The following CNTN1 variants were observed in gnomAD, a reference collection of about 807,000 sequenced individuals.
The protein encoded by CNTN1 is contactin 1.
Under a neutral mutation model 126.4 loss-of-function variants are expected in CNTN1, and 38 were observed. The observed-to-expected ratio is 0.30, with a 90% CI of 0.23 to 0.39. The LOEUF (loss-of-function observed/expected upper bound fraction) is 0.39. CNTN1 is among the 10% of genes least tolerant of loss of function. CNTN1 has a pLI of 1.00. For synonymous variants in CNTN1, 413 were observed against 422.6 expected (o/e 0.98, Z 0.28); for missense variants, 1,009 against 1,248.4 (o/e 0.81, Z 2.89).
At chr12:40,941,702 A>T (rs1038220373) in intron 12 of CNTN1, among the ~76,000 whole-genome samples, 2 of 151,976 alleles carry the variant, frequency 1.3e-5, no homozygotes, top group African/African-American at 2.4e-5. Context: ...ATAGGAAGGG[A>T]TCTTCATTAG....
intron 1 of CNTN1, among the ~76,000 whole-genome samples, chr12:40,895,465 G>A (rs909896302): frequency 4.6e-5 from 7 of 152,094 alleles, no homozygotes; most frequent in Non-Finnish European, 1.0e-4. Context: ...TGGGGACTCC[G>A]TAGAGTCCTG....
At chr12:40,917,073 C>A (rs1446316411) in intron 3 of CNTN1, among the ~76,000 whole-genome samples, 4 of 129,552 alleles carry the variant, frequency 3.1e-5, no homozygotes, top group East Asian at 2.4e-4. Flanking sequence ...GGGGGGGGGG[C>A]AGAACTAACT....
chr12:40,924,692 C>G, intron 6 of CNTN1, 40 bp downstream of exon 6: 1 of 1,056,408 alleles, frequency 9.5e-7, no homozygotes, highest in South Asian at 1.3e-5. Context: ...ATCTATGAAA[C>G]AAAATGGACA....
chr12:40,852,831 A>T (rs1401840998), intron 1 of CNTN1, among the ~76,000 whole-genome samples: 3 of 151,164 alleles, frequency 2.0e-5, no homozygotes, highest in African/African-American at 7.3e-5. Context: ...AATTTTCATG[A>T]TTCTAAATTT....
intron 1 of CNTN1, among the ~76,000 whole-genome samples, chr12:40,773,584 C>T (rs1422329264): frequency 6.7e-6 from 1 of 149,014 alleles, no homozygotes; most frequent in Non-Finnish European, 1.5e-5. Context: ...TGATAGTGCT[C>T]AGCATTCTTC....
chr12:41,005,634 C>A (rs1233056948), intron 17 of CNTN1, among the ~76,000 whole-genome samples: 1 of 151,910 alleles, frequency 6.6e-6, no homozygotes. Flanking sequence ...TCTTTTTTCT[C>A]TATTCCTGTC....
intron 15 of CNTN1, among the ~76,000 whole-genome samples, chr12:40,970,115 A>C (rs1947452837): frequency 6.6e-6 from 1 of 152,110 alleles, no homozygotes; most frequent in Non-Finnish European, 1.5e-5. Context: ...GGTCTAAGCA[A>C]CTTGGAGGAC....
chr12:40,961,757 T>C (rs1431167317), intron 15 of CNTN1, among the ~76,000 whole-genome samples: 1 of 152,106 alleles, frequency 6.6e-6, no homozygotes, highest in African/African-American at 2.4e-5. Context: ...GAAGAGATGA[T>C]TATTCACTTT....
At chr12:40,990,967 C>A (rs17128987) in intron 16 of CNTN1, among the ~76,000 whole-genome samples, 9,444 of 152,252 alleles carry the variant, frequency 0.062, 507 homozygotes, top group Admixed American at 0.16. Context: ...CAACCCCTGC[C>A]AAACTCAAGA....
intron 1 of CNTN1, among the ~76,000 whole-genome samples, chr12:40,880,872 G>A (rs368826842): frequency 4.6e-5 from 7 of 151,606 alleles, no homozygotes; most frequent in African/African-American, 7.3e-5. Flanking sequence ...CATTCAGTCC[G>A]GTAGAAAAGA....
chr12:40,976,267 G>A (rs1947667141), intron 15 of CNTN1, among the ~76,000 whole-genome samples: 1 of 152,052 alleles, frequency 6.6e-6, no homozygotes, highest in African/African-American at 2.4e-5. Flanking sequence ...AAGAAAAACA[G>A]AAGACAAATT....
chr12:40,725,308 G>A (rs2121234938), intron 1 of CNTN1, among the ~76,000 whole-genome samples: 1 of 149,926 alleles, frequency 6.7e-6, no homozygotes, highest in East Asian at 2.0e-4. Flanking sequence ...GGCTGAGGCA[G>A]GAGAATCACT....
intron 15 of CNTN1, among the ~76,000 whole-genome samples, chr12:40,976,716 C>CA (rs930344817): frequency 1.6e-4 from 25 of 151,684 alleles, no homozygotes; most frequent in African/African-American, 3.9e-4. Context: ...CCATTCTAAA[C>CA]AAAAAAAATA....
At chr12:41,025,492 T>C (rs1022558157) in intron 21 of CNTN1, among the ~76,000 whole-genome samples, 156 bp downstream of exon 21, 2 of 152,198 alleles carry the variant, frequency 1.3e-5, no homozygotes, top group African/African-American at 4.8e-5. Context: ...ACGTGAATTA[T>C]TGTAGATGAT....
At position 40,939,361 on chromosome 12, in the gene CNTN1, C is replaced by A. The variant is rs758774084; in HGVS notation, c.1255C>A (p.Pro419Thr). The A allele has an allele frequency of 3.7e-6, 6 of 1,613,752 alleles. No homozygotes were observed. In the Admixed American group the frequency reaches 1.0e-4, roughly 27 times the overall value. ...LALAPTFEMNPMKKKILAAKG... is the reference protein window; with the variant it reads ...LALAPTFEMNTMKKKILAAKG... ...GTTGGCTCCAACTTTTGAAATGAAT[C>A]CTATGAAGAAAAAGATCCTGGCTGC... The change falls in exon 12 of 24, where the codon CCT becomes ACT. Residue 419 changes from proline to threonine, a missense_variant. By Grantham distance (38) the Pro-to-Thr change is conservative. Coordinates refer to ENST00000551295, the MANE Select transcript of CNTN1 (RefSeq NM_001843.4).
intron 1 of CNTN1, among the ~76,000 whole-genome samples, chr12:40,741,510 G>C (rs1235460147): frequency 1.3e-5 from 2 of 151,966 alleles, no homozygotes; most frequent in African/African-American, 2.4e-5. Context: ...GAAATAATCT[G>C]ATCATTTAAC....
At chr12:40,843,377 T>G (rs1942367218) in intron 1 of CNTN1, among the ~76,000 whole-genome samples, 1 of 152,156 alleles carries the variant, frequency 6.6e-6, no homozygotes, top group Non-Finnish European at 1.5e-5. Context: ...AAAAAGAAAT[T>G]GTGGCTTATG....
chr12:40,751,380 C>T (rs1938400080), intron 1 of CNTN1, among the ~76,000 whole-genome samples: 1 of 151,982 alleles, frequency 6.6e-6, no homozygotes, highest in Admixed American at 6.6e-5. Context: ...TAGCCTTGGA[C>T]AAAATGGACA....
chr12:41,067,501 A>G (rs2405513), intron 23 of CNTN1, among the ~76,000 whole-genome samples: 1,855 of 152,030 alleles, frequency 0.012, 139 homozygotes, highest in Admixed American at 0.11. Flanking sequence ...GATGATTTCC[A>G]ATTCCTATCA....
Sources: gnomAD v4.1 joint callset for allele counts (sites outside exome capture counted in the v4.1 genomes callset) on GRCh38, gnomAD v4.1.1 for gene constraint, MANE v1.5 for transcripts, NCBI Gene and HGNC (gene_info 2026-07-23, HGNC 2026-07-21) for gene names.